DHX32: variants seen among roughly 807,000 people sequenced by gnomAD.
DHX32 encodes putative pre-mRNA-splicing factor ATP-dependent RNA helicase DHX32.
A neutral mutation model predicts 70.0 loss-of-function variants in DHX32; 51 were observed. The observed-to-expected ratio is 0.73, with a 90% CI of 0.58 to 0.92. The LOEUF (loss-of-function observed/expected upper bound fraction) is 0.92, where lower values mean the gene tolerates loss of function less well. DHX32 is among the 40% of genes least tolerant of loss of function. The probability of loss-of-function intolerance (pLI) is 0.00; values close to 1 mark genes in which losing one functional copy is unlikely to be tolerated. For missense variants in DHX32, 762 were observed against 891.8 expected (o/e 0.85, Z 1.85); for synonymous variants, 310 against 315.3 (o/e 0.98, Z 0.18).
At chr10:125,888,398 G>T (rs1944351699) in intron 1 of DHX32, among the ~76,000 whole-genome samples, 1 of 152,024 alleles carries the variant, frequency 6.6e-6, no homozygotes, top group Admixed American at 6.6e-5. Context: ...TGTAGAGACA[G>T]TGTCTCCCTA....
At chr10:125,853,874 C>T (rs1225924366) in intron 4 of DHX32, 87 bp downstream of exon 4, 3 of 1,504,394 alleles carry the variant, frequency 2.0e-6, no homozygotes, top group Admixed American at 2.0e-5. Flanking sequence ...TTCATCCTCA[C>T]TTCCTGATCA....
At chr10:125,861,248 A>C (rs1944186236) in intron 2 of DHX32, among the ~76,000 whole-genome samples, 2 of 151,758 alleles carry the variant, frequency 1.3e-5, no homozygotes, top group South Asian at 4.2e-4. Context: ...CTGTAATCCC[A>C]GCACTTTGGG....
chr10:125,866,901 G>A lies in DHX32; in HGVS notation c.476+89C>T. The A allele has an allele frequency of 7.1e-7, 1 of 1,402,610 alleles. No homozygotes were observed. The allele number at this position is 1,402,610 out of a possible 1,614,324, so 86.9% of individuals were successfully genotyped here. A position where few individuals can be genotyped will look rare whatever the true frequency, so the allele number is the denominator to read the frequency against. On this transcript the variant is annotated intron_variant, in intron 2 of 10. Coordinates refer to ENST00000284690, the MANE Select transcript of DHX32 (RefSeq NM_018180.3). This position sits in a 1 kb window ranked among gnomAD's most constrained non-coding sequence, Gnocchi z 4.8. ...TACTGCACAGCATAGATGCTTAACAGGTAGAATGCCAGAATAATGCTCCTT... is the reference window on the plus strand; with the variant it reads ...TACTGCACAGCATAGATGCTTAACAAGTAGAATGCCAGAATAATGCTCCTT...
intron 3 of DHX32, 63 bp from the exon 4 acceptor site, chr10:125,854,266 G>A (rs946993737): frequency 6.8e-7 from 1 of 1,477,594 alleles, no homozygotes; most frequent in Non-Finnish European, 8.9e-7. Context: ...TTAAAAAAAT[G>A]TCTGAATTAC....
chr10:125,860,112 T>C lies in DHX32; in HGVS notation c.477-137A>G, dbSNP rs866779892. On this transcript the variant is annotated intron_variant, in intron 2 of 10. Coordinates refer to ENST00000284690, the MANE Select transcript of DHX32 (RefSeq NM_018180.3). ...AATTTTTACTGGGGCCAAAATTCCT[T>C]TAAGTTGATACAATCTACAGAATTA... 5 of 725,658 alleles carry C rather than the reference T, an allele frequency of 6.9e-6. No homozygotes were observed. In the African/African-American group the frequency reaches 8.9e-5, roughly 13 times the overall value. 45.0% of individuals were successfully genotyped at this position (725,658 alleles called of 1,614,324 possible).
intron 1 of DHX32, among the ~76,000 whole-genome samples, chr10:125,890,100 C>A (rs1391542229): frequency 2.3e-3 from 332 of 145,782 alleles, no homozygotes; most frequent in African/African-American, 8.9e-3. Context: ...CGTTGCATCA[C>A]TGGGGGTTGA....
At position 125,839,129 on chromosome 10, in the gene DHX32, C is replaced by A; in HGVS notation, c.1753G>T (p.Asp585Tyr). Residue 585 changes from aspartate (D) to tyrosine (Y), a missense_variant, in exon 9 of 11, where the codon GAT becomes TAT. Around this residue, in one of 3 missense-constraint regions of DHX32, gnomAD observed 366 missense variants for 402.6 expected, o/e 0.91. Coordinates refer to ENST00000284690, the MANE Select transcript of DHX32 (RefSeq NM_018180.3). The stretch of plus-strand genomic sequence containing the variant: ...TCTAAGAGTTCAGCTCGAATAACAT[C>A]TGCCATTCTGAGTGCTGAACAGTTG... The part of the protein sequence containing the change: ...FLNCSALRMA[D>Y]VIRAELLEII... The A allele has an allele frequency of 6.2e-7, 1 of 1,614,254 alleles. No individual in the cohort carries two copies. Among genetic ancestry groups the A allele is most frequent in the Non-Finnish European group, 8.5e-7 (1 of 1,180,050 alleles).
At chr10:125,839,303 C>G in intron 8 of DHX32, 115 bp from the exon 9 acceptor site, 4 of 1,055,940 alleles carry the variant, frequency 3.8e-6, no homozygotes, top group Admixed American at 2.5e-5. Context: ...ACAAAGGAGG[C>G]CACGTAGGTG....
chr10:125,879,027 T>G (rs925405247), intron 1 of DHX32, among the ~76,000 whole-genome samples: 1 of 137,946 alleles, frequency 7.2e-6, no homozygotes, highest in Admixed American at 7.3e-5. Flanking sequence ...TTTTTTTTTT[T>G]TTTTTTTTTT....
chr10:125,880,682 T>C lies in DHX32; in HGVS notation c.143A>G (p.Tyr48Cys). Residue 48 changes from tyrosine (Y) to cysteine (C), a missense_variant, in exon 1 of 11, where the codon TAT (tyrosine) becomes TGT (cysteine). This residue lies in a region of DHX32 where 394 missense variants were observed against 473.1 expected (regional missense o/e 0.83). Coordinates refer to ENST00000284690, the MANE Select transcript of DHX32 (RefSeq NM_018180.3). ...LELNPFDGLP[Y>C]SSRYYKLLKE... ...CAGAAGTTTATAATAACGTGATGAA[T>C]ATGGCAATCCATCAAAGGGGTTAAG... is the stretch of plus-strand genomic sequence containing the variant. 1 of 1,614,186 alleles carries C rather than the reference T, an allele frequency of 6.2e-7. No homozygotes were observed. The highest frequency in any genetic ancestry group is 1.6e-4 in the Middle Eastern group (1 of 6,062).
At chr10:125,849,995 C>A (rs1944069477) in intron 6 of DHX32, among the ~76,000 whole-genome samples, 2 of 152,082 alleles carry the variant, frequency 1.3e-5, no homozygotes. Context: ...GAACCAGGGT[C>A]TTGCTCTGTC....
chr10:125,851,930 A>G (rs1351285679), intron 6 of DHX32, among the ~76,000 whole-genome samples: 1 of 151,232 alleles, frequency 6.6e-6, no homozygotes, highest in Admixed American at 6.6e-5. Flanking sequence ...CAAAAAAAAA[A>G]AAAAAAAAAA....
At chr10:125,839,326 G>T in intron 8 of DHX32, 138 bp from the exon 9 acceptor site, 1 of 829,276 alleles carries the variant, frequency 1.2e-6, no homozygotes, top group Non-Finnish European at 1.8e-6. Flanking sequence ...TGGCAGGAAG[G>T]CAGCAAGGAC....
rs773275564 is a variant in DHX32 at position 125,841,806 on chromosome 10, T to C, written c.1480A>G (p.Ile494Val). Residue 494 changes from isoleucine to valine, a missense_variant, in exon 7 of 11, where the codon ATC becomes GTC. Ile to Val is a conservative substitution (Grantham distance 29). Around this residue, in one of 3 missense-constraint regions of DHX32, gnomAD observed 366 missense variants for 402.6 expected, o/e 0.91. Coordinates refer to ENST00000284690, the MANE Select transcript of DHX32 (RefSeq NM_018180.3). Reference protein sequence around the residue: ...FPLDPQLSKSILASCEFDCVD... With the variant: ...FPLDPQLSKSVLASCEFDCVD... ...CAGTCAAATTCACAGGACGCTAAGA[T>C]AGACTTCGAGAGTTGTGGATCAAGA... 3 of 1,613,496 alleles carry C rather than the reference T, an allele frequency of 1.9e-6. No homozygotes were observed. The highest frequency in any genetic ancestry group is 2.5e-6 in the Non-Finnish European group (3 of 1,179,940).
intron 3 of DHX32, among the ~76,000 whole-genome samples, chr10:125,856,455 C>T (rs890683160): frequency 2.4e-4 from 36 of 152,268 alleles, no homozygotes; most frequent in African/African-American, 7.5e-4. Flanking sequence ...GGAAACAACA[C>T]GCTAAACATT....
At chr10:125,869,884 G>T (rs1944246177) in intron 1 of DHX32, among the ~76,000 whole-genome samples, 1 of 152,172 alleles carries the variant, frequency 6.6e-6, no homozygotes, top group African/African-American at 2.4e-5. Flanking sequence ...TAATTGAAAA[G>T]AAGAGAGAGA....
At chr10:125,879,019 T>TG (rs1369974973) in intron 1 of DHX32, among the ~76,000 whole-genome samples, 142 of 121,110 alleles carry the variant, frequency 1.2e-3, no homozygotes, top group African/African-American at 4.7e-3. Flanking sequence ...TTTCTTGTTT[T>TG]TTTTTTTTTT....
intron 7 of DHX32, chr10:125,841,225 A>C: frequency 6.2e-7 from 1 of 1,600,714 alleles, no homozygotes; most frequent in South Asian, 1.1e-5. Flanking sequence ...TCAACTGAAT[A>C]TGGTTAATAT....
chr10:125,847,992 T>C (rs1218154587), intron 6 of DHX32, among the ~76,000 whole-genome samples: 1 of 152,204 alleles, frequency 6.6e-6, no homozygotes, highest in Admixed American at 6.5e-5. Context: ...CTGGTACCCA[T>C]CACTGCCTAG....
Sources: gnomAD v4.1 joint callset for allele counts (sites outside exome capture counted in the v4.1 genomes callset) on GRCh38, gnomAD v4.1.1 for gene constraint, gnomAD v4.1.1 regional missense constraint, Gnocchi (gnomAD v3.1) non-coding constraint, MANE v1.5 for transcripts, NCBI Gene and HGNC (gene_info 2026-07-23, HGNC 2026-07-21) for gene names.